Variants in PDE4D observed in about 807,000 individuals in gnomAD.
The protein encoded by PDE4D is phosphodiesterase 4D, also known as 3',5'-cyclic-AMP phosphodiesterase 4D.
Under a neutral mutation model 87.4 loss-of-function variants are expected in PDE4D, and 24 were observed. The observed-to-expected ratio is 0.27, with a 90% CI of 0.20 to 0.39. The LOEUF (loss-of-function observed/expected upper bound fraction) is 0.39. Among genes scored for constraint, PDE4D ranks in the 10% least tolerant of loss-of-function variants. The pLI, the probability that PDE4D is intolerant of heterozygous loss-of-function variation, is 1.00. For missense variants in PDE4D, 714 were observed against 1,041.0 expected (o/e 0.69, Z 4.32); for synonymous variants, 384 against 383.2 (o/e 1.00, Z -0.02).
At chr5:59,064,117 GAGA>G (rs1349742944) in intron 5 of PDE4D, among the ~76,000 whole-genome samples, 2 of 151,886 alleles carry the variant, frequency 1.3e-5, no homozygotes, top group Non-Finnish European at 2.9e-5. Context: ...AAAGGAAAGA[GAGA>G]AGGAGGGAGG....
intron 1 of PDE4D, among the ~76,000 whole-genome samples, chr5:59,263,534 C>T (rs950460158): frequency 3.3e-5 from 5 of 151,802 alleles, no homozygotes; most frequent in African/African-American, 4.8e-5. Flanking sequence ...GTTTAAAATG[C>T]TCAAATAGTC....
chr5:59,767,634 GA>G (rs1762966379), intron 1 of PDE4D, among the ~76,000 whole-genome samples: 1 of 152,076 alleles, frequency 6.6e-6, no homozygotes, highest in African/African-American at 2.4e-5. Flanking sequence ...CAAATTCAAA[GA>G]ACACAACAAT....
chr5:60,052,915 A>T (rs976188207), intron 2 of PDE4D, among the ~76,000 whole-genome samples: 4 of 152,238 alleles, frequency 2.6e-5, no homozygotes, highest in African/African-American at 9.6e-5. Flanking sequence ...AGAGAGCCAA[A>T]TCATGAGCAA....
At chr5:60,511,198 G>C (rs1750558182) in intron 1 of PDE4D, among the ~76,000 whole-genome samples, 1 of 152,054 alleles carries the variant, frequency 6.6e-6, no homozygotes, top group African/African-American at 2.4e-5. Flanking sequence ...TCGAACTCCT[G>C]ACCTCAAGTG....
At chr5:59,907,330 T>A (rs1752949552) in intron 3 of PDE4D, among the ~76,000 whole-genome samples, 2 of 152,184 alleles carry the variant, frequency 1.3e-5, no homozygotes, top group Admixed American at 6.5e-5. Flanking sequence ...ACTGTTTTTA[T>A]AAAGATCCAT....
At chr5:59,575,605 A>G (rs1204358991) in intron 1 of PDE4D, among the ~76,000 whole-genome samples, 1 of 152,200 alleles carries the variant, frequency 6.6e-6, no homozygotes, top group African/African-American at 2.4e-5. Context: ...TATGCTCAAG[A>G]TGACAATTTT....
chr5:59,619,804 TAAAAATG>T (rs553035190), intron 1 of PDE4D, among the ~76,000 whole-genome samples: 285 of 152,266 alleles, frequency 1.9e-3, no homozygotes, highest in Middle Eastern at 3.4e-3. Flanking sequence ...GATTTAGCAC[TAAAAATG>T]TCAGTATATT....
intron 5 of PDE4D, among the ~76,000 whole-genome samples, chr5:59,156,336 TG>T (rs1780210421): frequency 1.1e-5 from 1 of 94,918 alleles, no homozygotes; most frequent in Non-Finnish European, 2.3e-5. Flanking sequence ...TATATATGTG[TG>T]TGTGTGTGTG....
chr5:59,104,971 C>T lies in PDE4D; in HGVS notation c.809-66000G>A, dbSNP rs373018485. On this transcript the variant is annotated intron_variant, in intron 5 of 14. Transcript: ENST00000340635. The stretch of plus-strand genomic sequence containing the variant: ...GCATTTTGTACACCCAAATTACATA[C>T]TGTGATACACATAGTATTTGAGCTG... Among the ~76,000 whole-genome samples, 44 of 152,318 alleles carry T rather than the reference C, an allele frequency of 2.9e-4. No homozygotes were observed. The East Asian group carries it at 7.5e-3, about 26-fold the overall frequency.
chr5:59,676,514 C>G (rs1225122282), intron 1 of PDE4D, among the ~76,000 whole-genome samples: 1 of 152,008 alleles, frequency 6.6e-6, no homozygotes, highest in East Asian at 1.9e-4. Flanking sequence ...ACTAATAAAC[C>G]AACAGAGAGC....
intron 6 of PDE4D, among the ~76,000 whole-genome samples, chr5:59,016,670 C>T (rs536889866): frequency 6.6e-6 from 1 of 152,154 alleles, no homozygotes; most frequent in East Asian, 1.9e-4. Flanking sequence ...GAACTCTTGA[C>T]ATTTATTAAC....
intron 5 of PDE4D, among the ~76,000 whole-genome samples, chr5:59,084,336 A>G (rs1767296170): frequency 1.3e-5 from 2 of 152,016 alleles, no homozygotes; most frequent in Admixed American, 1.3e-4. Context: ...AGAGATATAA[A>G]TATATGATGT....
At chr5:59,192,771 G>T (rs1446358689) in intron 3 of PDE4D, among the ~76,000 whole-genome samples, 1 of 152,062 alleles carries the variant, frequency 6.6e-6, no homozygotes, top group Non-Finnish European at 1.5e-5. Flanking sequence ...AACTTCTCCT[G>T]CACACTAGAA....
At chr5:59,411,689 A>C (rs1337553147) in intron 1 of PDE4D, among the ~76,000 whole-genome samples, 1 of 152,046 alleles carries the variant, frequency 6.6e-6, no homozygotes, top group Non-Finnish European at 1.5e-5. Flanking sequence ...CACTCTAAAG[A>C]CCTCATTTTA....
intron 5 of PDE4D, among the ~76,000 whole-genome samples, chr5:59,169,619 G>A (rs1030904436): frequency 3.9e-5 from 6 of 152,140 alleles, no homozygotes; most frequent in South Asian, 2.1e-4. Flanking sequence ...ACATATGATC[G>A]TGCTTATCCT....
chr5:59,459,618 C>T (rs1490165146), intron 1 of PDE4D, among the ~76,000 whole-genome samples: 1 of 152,146 alleles, frequency 6.6e-6, no homozygotes, highest in East Asian at 1.9e-4. Flanking sequence ...CTGAAATCAT[C>T]CCAAAGGTAG....
intron 1 of PDE4D, among the ~76,000 whole-genome samples, chr5:59,506,389 G>T (rs1362492049): frequency 6.6e-6 from 1 of 151,820 alleles, no homozygotes; most frequent in African/African-American, 2.4e-5. Context: ...CAAAAAAAAT[G>T]CTTCTGCTTA....
intron 1 of PDE4D, among the ~76,000 whole-genome samples, chr5:60,266,949 T>G (rs1428791113): frequency 6.6e-6 from 1 of 152,228 alleles, no homozygotes; most frequent in East Asian, 1.9e-4. Context: ...GCACGTGTAT[T>G]ATCCCAAACC....
chr5:59,640,944 T>C (rs2150192408), intron 1 of PDE4D, among the ~76,000 whole-genome samples: 1 of 151,652 alleles, frequency 6.6e-6, no homozygotes, highest in African/African-American at 2.4e-5. Context: ...TCTTGTGTAG[T>C]CTCCAGTCAA....
Sources: gnomAD v4.1 joint callset for allele counts (sites outside exome capture counted in the v4.1 genomes callset) on GRCh38, gnomAD v4.1.1 for gene constraint, MANE v1.5 for transcripts, NCBI Gene and HGNC (gene_info 2026-07-23, HGNC 2026-07-21) for gene names.